The following DOCK10 variants were observed in gnomAD, a reference collection of about 807,000 sequenced individuals.
The protein encoded by DOCK10 is dedicator of cytokinesis protein 10.
DOCK10 carries 145 observed loss-of-function variants against 280.1 expected under a neutral mutation model. That is an observed-to-expected ratio of 0.52 (90% CI 0.45 to 0.59). The LOEUF (loss-of-function observed/expected upper bound fraction) is 0.59. Among genes scored for constraint, DOCK10 ranks in the 20% least tolerant of loss-of-function variants. The pLI is 0.00. For synonymous variants in DOCK10, 915 were observed against 942.2 expected (o/e 0.97, Z 0.53); for missense variants, 2,368 against 2,651.7 (o/e 0.89, Z 2.35).
chr2:225,001,513 C>T (rs1246790708), intron 1 of DOCK10, among the ~76,000 whole-genome samples: 1 of 152,052 alleles, frequency 6.6e-6, no homozygotes, highest in Non-Finnish European at 1.5e-5. Context: ...TGGTCTTGAT[C>T]TCCTGACCTT....
chr2:224,807,129 G>A (rs1693442503), intron 33 of DOCK10: 1 of 152,112 alleles, frequency 6.6e-6, no homozygotes, highest in Non-Finnish European at 1.5e-5. Flanking sequence ...AAATCCATAG[G>A]CATAGCTCCT....
chr2:225,023,864 G>A (rs915072659), intron 1 of DOCK10, among the ~76,000 whole-genome samples: 8 of 152,150 alleles, frequency 5.3e-5, no homozygotes, highest in East Asian at 1.9e-4. Flanking sequence ...AAAAAGCAGC[G>A]GGGGAATCTC....
chr2:224,771,300 T>C (rs1690426816), intron 53 of DOCK10, among the ~76,000 whole-genome samples: 2 of 152,226 alleles, frequency 1.3e-5, no homozygotes, highest in African/African-American at 4.8e-5. Context: ...AATTCCAATA[T>C]ATTTATTTAA....
intron 38 of DOCK10, 116 bp downstream of exon 38, chr2:224,804,678 C>A (rs1693265858): frequency 2.8e-6 from 2 of 726,750 alleles, no homozygotes; most frequent in Non-Finnish European, 4.4e-6. Flanking sequence ...ACCTAACAAT[C>A]CTTATTTGCA....
At chr2:224,911,114 G>A (rs1471812235) in intron 3 of DOCK10, among the ~76,000 whole-genome samples, 10 of 152,120 alleles carry the variant, frequency 6.6e-5, no homozygotes, top group African/African-American at 1.9e-4. Flanking sequence ...GATCTAGGGC[G>A]AAAGGCACTC....
rs796861596 is a variant in DOCK10, at chr2:224,820,070, G to A, written c.3184-541C>T. 6.6e-5 allele frequency among the ~76,000 whole-genome samples: 10 copies of A among 152,144 alleles called. No homozygotes were observed. In the East Asian group the frequency reaches 1.9e-3, roughly 29 times the overall value. On this transcript the variant is annotated intron_variant, in intron 28 of 55. Transcript: ENST00000258390. Reference sequence around the variant, plus strand: ...ACACACTGGGTCATAATGAGGAGTGGTAGAGACGAGTCAGGAAAGCCTTTT... The same window carrying A: ...ACACACTGGGTCATAATGAGGAGTGATAGAGACGAGTCAGGAAAGCCTTTT...
chr2:224,902,950 T>C (rs769113176), intron 3 of DOCK10, among the ~76,000 whole-genome samples: 1 of 151,440 alleles, frequency 6.6e-6, no homozygotes, highest in Non-Finnish European at 1.5e-5. Context: ...AAAAAAAAAT[T>C]AGCCGGTTGT....
chr2:224,997,933 G>T (rs1706319592), intron 1 of DOCK10, among the ~76,000 whole-genome samples: 1 of 152,172 alleles, frequency 6.6e-6, no homozygotes, highest in African/African-American at 2.4e-5. Flanking sequence ...AGAAGACCAA[G>T]CAGGGTGTGG....
chr2:224,831,969 C>CACA (rs1695269493), intron 26 of DOCK10, among the ~76,000 whole-genome samples: 1 of 152,168 alleles, frequency 6.6e-6, no homozygotes, highest in Admixed American at 6.5e-5. Flanking sequence ...AAACCTTGGC[C>CACA]TGTGAGGACA....
chr2:225,020,634 T>C (rs1689760134), intron 1 of DOCK10, among the ~76,000 whole-genome samples: 1 of 152,244 alleles, frequency 6.6e-6, no homozygotes, highest in African/African-American at 2.4e-5. Flanking sequence ...GTCAATTTAA[T>C]GGCAATCATG....
At chr2:224,862,606 G>T in intron 14 of DOCK10, 58 bp downstream of exon 14, 1 of 1,423,270 alleles carries the variant, frequency 7.0e-7, no homozygotes, top group Non-Finnish European at 9.9e-7. Context: ...CAAAACTGAA[G>T]CTTCCAATGC....
intron 1 of DOCK10, among the ~76,000 whole-genome samples, chr2:225,037,328 A>G (rs1043113624): frequency 3.3e-4 from 50 of 152,182 alleles, no homozygotes; most frequent in African/African-American, 1.2e-3. Context: ...TGCTATTGCA[A>G]CTATCCTCAG....
chr2:224,839,976 C>A lies in DOCK10; in HGVS notation c.2758G>T (p.Glu920Ter), dbSNP rs866019556. The change falls in exon 24 of 56, where the codon GAA (glutamate) becomes TAA (stop). Residue 920 changes from glutamate (E) to a stop codon, truncating the protein, a stop_gained. Coordinates refer to ENST00000258390, the MANE Select transcript of DOCK10 (RefSeq NM_014689.3). LOFTEE classifies it high-confidence loss of function. ...FKVLVQNEED[E>*]ITTTVTRVLT... The stretch of plus-strand genomic sequence containing the variant: ...TACCTGGTGACAGTTGTAGTTATTT[C>A]ATCTTCCTCATTCTGTACCAGAACT... 1 of 1,537,306 alleles carries A rather than the reference C, an allele frequency of 6.5e-7. No individual in the cohort carries two copies. The highest frequency in any genetic ancestry group is 8.8e-7 in the Non-Finnish European group (1 of 1,131,494).
At chr2:224,794,848 G>A (rs1168326001) in intron 45 of DOCK10, 31 bp downstream of exon 45, 2 of 1,604,794 alleles carry the variant, frequency 1.2e-6, no homozygotes, top group Admixed American at 1.7e-5. Context: ...GGACAATACT[G>A]ATGGTAAATG....
intron 2 of DOCK10, among the ~76,000 whole-genome samples, chr2:224,929,635 T>C (rs1329534924): frequency 6.6e-6 from 1 of 152,202 alleles, no homozygotes; most frequent in African/African-American, 2.4e-5. Context: ...TTCAGTGTAT[T>C]TATTGGAATG....
chr2:224,766,708 C>T (rs1690096642), intron 55 of DOCK10, among the ~76,000 whole-genome samples: 1 of 152,180 alleles, frequency 6.6e-6, no homozygotes, highest in Non-Finnish European at 1.5e-5. Flanking sequence ...GTTATTCTTA[C>T]TGAATGTTGA....
At chr2:224,940,023 C>T (rs1702933698) in intron 1 of DOCK10, among the ~76,000 whole-genome samples, 1 of 152,146 alleles carries the variant, frequency 6.6e-6, no homozygotes, top group African/African-American at 2.4e-5. Context: ...AAGAAGCAGC[C>T]TTGGTGGATT....
intron 27 of DOCK10, among the ~76,000 whole-genome samples, 161 bp downstream of exon 27, chr2:224,830,380 G>A (rs1260024043): frequency 6.6e-6 from 1 of 152,138 alleles, no homozygotes; most frequent in Non-Finnish European, 1.5e-5. Flanking sequence ...GCCTGTGCCG[G>A]TTGGTGTACA....
At position 224,917,101 on chromosome 2, in the gene DOCK10, C is replaced by CTTTTTTTTTTTTTTTTTTT. The variant is rs58223345; in HGVS notation, c.244-336_244-318dup. 7.3e-5 allele frequency among the ~76,000 whole-genome samples: 7 copies of CTTTTTTTTTTTTTTTTTTT among 95,770 alleles called. 1 individual carries two copies. The highest frequency in any genetic ancestry group is 9.1e-5 in the African/African-American group (2 of 22,062). 62.8% of individuals were successfully genotyped at this position (95,770 alleles called of 152,430 possible). A position where few individuals can be genotyped will look rare whatever the true frequency, so the allele number is the denominator to read the frequency against. On this transcript the variant is annotated intron_variant, in intron 2 of 55. Coordinates refer to ENST00000258390, the MANE Select transcript of DOCK10 (RefSeq NM_014689.3). Reference sequence around the variant, plus strand: ...CAATTTAGCTGATTTCTATTGGAATCTTTTTTTTTTTTTTTTTTTTTTGAG... The same window carrying CTTTTTTTTTTTTTTTTTTT: ...CAATTTAGCTGATTTCTATTGGAATCTTTTTTTTTTTTTTTTTTTTTTTTTTTTTTTTTTTTTTTTTGAG...
Sources: gnomAD v4.1 joint callset for allele counts (sites outside exome capture counted in the v4.1 genomes callset) on GRCh38, gnomAD v4.1.1 for gene constraint, MANE v1.5 for transcripts, NCBI Gene and HGNC (gene_info 2026-07-23, HGNC 2026-07-21) for gene names.